Variants in ZNF14 observed in about 807,000 individuals in gnomAD.
ZNF14 encodes zinc finger protein 14, also known as gonadotropin inducible transcription repressor-4.
A neutral mutation model predicts 11.3 loss-of-function variants in ZNF14; 9 were observed. The observed-to-expected ratio is 0.80, with a 90% CI of 0.48 to 1.39. The LOEUF (loss-of-function observed/expected upper bound fraction) is 1.39, where lower values mean the gene tolerates loss of function less well. ZNF14 is among the 40% of genes most tolerant of loss of function. The pLI is 0.00. For synonymous variants in ZNF14, 239 were observed against 245.7 expected (o/e 0.97, Z 0.25); for missense variants, 711 against 763.9 (o/e 0.93, Z 0.82).
At position 19,728,256 on chromosome 19, in the gene ZNF14, G is replaced by A. The variant is rs1209137306; in HGVS notation, c.3+4700C>T. On this transcript the variant is annotated intron_variant, in intron 1 of 3. Transcript: ENST00000344099. ...ACTGGGGCCAGGTGCAGAGGCTCATGCCTGTAATCCCAGCACTTTGAGAGG... is the reference window on the plus strand; with the variant it reads ...ACTGGGGCCAGGTGCAGAGGCTCATACCTGTAATCCCAGCACTTTGAGAGG... 2.3e-5 allele frequency among the ~76,000 whole-genome samples: 3 copies of A among 132,900 alleles called. 1 individual carries two copies. Among genetic ancestry groups the A allele is most frequent in the Admixed American group, 7.4e-5 (1 of 13,528 alleles). 87.2% of individuals were successfully genotyped at this position (132,900 alleles called of 152,430 possible).
At chr19:19,715,952 T>C (rs1484884984) in intron 1 of ZNF14, among the ~76,000 whole-genome samples, 1 of 152,224 alleles carries the variant, frequency 6.6e-6, no homozygotes, top group Non-Finnish European at 1.5e-5. Context: ...TCTTCCTTTT[T>C]CTCTCTCTCA....
At chr19:19,732,851 C>G (rs893138120) in intron 1 of ZNF14, 105 bp downstream of exon 1, 15 of 1,483,702 alleles carry the variant, frequency 1.0e-5, no homozygotes, top group Non-Finnish European at 1.3e-5. Flanking sequence ...CGCGGTGGCC[C>G]CCGGGTCTGC....
intron 1 of ZNF14, among the ~76,000 whole-genome samples, chr19:19,719,272 A>G (rs1397527840): frequency 1.3e-5 from 2 of 152,226 alleles, no homozygotes; most frequent in African/African-American, 2.4e-5. Context: ...AATTCCCTAC[A>G]AAAAAGAAAA....
chr19:19,726,535 G>T (rs1460687537), intron 1 of ZNF14, among the ~76,000 whole-genome samples: 1 of 134,094 alleles, frequency 7.5e-6, no homozygotes, highest in East Asian at 2.1e-4. Context: ...CAGGGGTCAG[G>T]GACCCATTTG....
Position 19,712,055 on chromosome 19 carries a change from T to C in ZNF14, c.1226A>G (p.His409Arg). ...TTTCTCTCCAGTGTGAGTTGTTTCG[T>C]GTTCTCGAAGGGAACTTGAAAAACT... ...TFSFSSSLREHETTHTGEKPY... is the reference protein window; with the variant it reads ...TFSFSSSLRERETTHTGEKPY... Residue 409 changes from histidine to arginine, a missense_variant, in exon 4 of 4, where the codon CAC becomes CGC. Coordinates refer to ENST00000344099, the MANE Select transcript of ZNF14 (RefSeq NM_021030.3). 1 of 1,613,934 alleles carries C rather than the reference T, an allele frequency of 6.2e-7. No individual in the cohort carries two copies. Among genetic ancestry groups the C allele is most frequent in the Non-Finnish European group, 8.5e-7 (1 of 1,179,964 alleles).
rs563989129 is a variant in ZNF14 at position 19,712,310 on chromosome 19, G to T, written c.971C>A (p.Ala324Glu). 11 of 1,613,400 alleles carry T rather than the reference G, an allele frequency of 6.8e-6. No individual in the cohort carries two copies. The East Asian group carries it at 1.3e-4, about 20-fold the overall frequency. ...AGCCCCAGTGTGTATTATTACATGT[G>T]CTCGAAAGCTTGCAGAATAAAAGAA... The part of the protein sequence containing the change: ...KAFFYSASFR[A>E]HVIIHTGARP... The change falls in exon 4 of 4, where the codon GCA becomes GAA. Residue 324 changes from alanine (A) to glutamate (E), a missense_variant. Physicochemically the swap from Ala to Glu is moderately radical, Grantham distance 107. Transcript: ENST00000344099.
intron 1 of ZNF14, among the ~76,000 whole-genome samples, chr19:19,719,609 T>C (rs2062386846): frequency 6.6e-6 from 1 of 152,106 alleles, no homozygotes; most frequent in Admixed American, 6.5e-5. Flanking sequence ...ATTGATGTGC[T>C]AAGTGGGGAG....
At chr19:19,729,818 G>C (rs138454112) in intron 1 of ZNF14, among the ~76,000 whole-genome samples, 198 of 152,138 alleles carry the variant, frequency 1.3e-3, no homozygotes, top group Non-Finnish European at 2.4e-3. Flanking sequence ...ACATATATTA[G>C]AGCTGTATTT....
chr19:19,721,992 C>A (rs893825079), intron 1 of ZNF14, among the ~76,000 whole-genome samples: 2 of 151,202 alleles, frequency 1.3e-5, no homozygotes, highest in African/African-American at 4.9e-5. Context: ...AACAACCTGG[C>A]TACAAATTTG....
intron 1 of ZNF14, among the ~76,000 whole-genome samples, chr19:19,732,541 C>T (rs2145109644): frequency 6.6e-6 from 1 of 152,358 alleles, no homozygotes; most frequent in Admixed American, 6.5e-5. Context: ...ACCCCGGCAG[C>T]AAGGACCTAG....
rs761559664 is a variant in ZNF14 at position 19,712,053 on chromosome 19, C to T, written c.1228G>A (p.Glu410Lys). 44 of 1,612,760 alleles carry T rather than the reference C, an allele frequency of 2.7e-5. No homozygotes were observed. The highest frequency in any genetic ancestry group is 1.6e-4 in the Middle Eastern group (1 of 6,068). The change falls in exon 4 of 4, where the codon GAA becomes AAA. Residue 410 changes from glutamate to lysine, a missense_variant. Coordinates refer to ENST00000344099, the MANE Select transcript of ZNF14 (RefSeq NM_021030.3). Reference sequence around the variant, plus strand: ...GGTTTCTCTCCAGTGTGAGTTGTTTCGTGTTCTCGAAGGGAACTTGAAAAA... The same window carrying T: ...GGTTTCTCTCCAGTGTGAGTTGTTTTGTGTTCTCGAAGGGAACTTGAAAAA... ...FSFSSSLREH[E>K]TTHTGEKPYE...
chr19:19,729,038 G>A (rs921076276), intron 1 of ZNF14, among the ~76,000 whole-genome samples: 18 of 152,132 alleles, frequency 1.2e-4, no homozygotes, highest in Admixed American at 3.9e-4. Context: ...GTACAGTGGC[G>A]TGATCTCAGC....
At chr19:19,719,658 A>G (rs545840542) in intron 1 of ZNF14, among the ~76,000 whole-genome samples, 4 of 152,344 alleles carry the variant, frequency 2.6e-5, no homozygotes, top group African/African-American at 9.6e-5. Flanking sequence ...GAAAGCAGAT[A>G]AGGTAGAAAA....
At chr19:19,732,039 C>T (rs1241674272) in intron 1 of ZNF14, among the ~76,000 whole-genome samples, 1 of 152,154 alleles carries the variant, frequency 6.6e-6, no homozygotes, top group Non-Finnish European at 1.5e-5. Context: ...GCACTCCATC[C>T]CGGGCGACAG....
chr19:19,723,355 T>G (rs2062398315), intron 1 of ZNF14, among the ~76,000 whole-genome samples: 1 of 152,200 alleles, frequency 6.6e-6, no homozygotes, highest in Admixed American at 6.5e-5. Context: ...GGTTTTTGTC[T>G]TTGGTTCTGT....
chr19:19,731,871 T>A (rs1231360085), intron 1 of ZNF14, among the ~76,000 whole-genome samples: 1 of 151,910 alleles, frequency 6.6e-6, no homozygotes, highest in Non-Finnish European at 1.5e-5. Context: ...ATCGAGACCA[T>A]CCTGGCTAAC....
rs544336268 is a variant in ZNF14, at chr19:19,730,443, C to T, written c.3+2513G>A. Among the ~76,000 whole-genome samples the T allele has an allele frequency of 2.6e-5, 4 of 152,276 alleles. No homozygotes were observed. The South Asian group carries it at 8.3e-4, about 32-fold the overall frequency. On this transcript the variant is annotated intron_variant, in intron 1 of 3. Coordinates refer to ENST00000344099, the MANE Select transcript of ZNF14 (RefSeq NM_021030.3). ...GACAATGAAATACAATCAATGATGA[C>T]TCATATAAATGACCTCACAGAATAT...
intron 3 of ZNF14, 40 bp downstream of exon 3, chr19:19,714,051 T>C (rs2062370362): frequency 6.3e-7 from 1 of 1,576,360 alleles, no homozygotes; most frequent in Non-Finnish European, 8.6e-7. Context: ...TCTTTTGAAA[T>C]TCCCCCACGG....
chr19:19,712,824 G>C lies in ZNF14; in HGVS notation c.457C>G (p.His153Asp), dbSNP rs752317208. Residue 153 changes from histidine to aspartate, a missense_variant, in exon 4 of 4, where the codon CAC (histidine) becomes GAC (aspartate). His to Asp is a moderately conservative substitution (Grantham distance 81). Coordinates refer to ENST00000344099, the MANE Select transcript of ZNF14 (RefSeq NM_021030.3). The part of the protein sequence containing the change: ...CKAVGKTFSY[H>D]HCFRKHERTH... ...CTTTCATGTTTGCGAAAGCAGTGGT[G>C]ATAACTGAAGGTTTTCCCAACTGCT... 1 of 1,614,162 alleles carries C rather than the reference G, an allele frequency of 6.2e-7. No homozygotes were observed. Among genetic ancestry groups the C allele is most frequent in the African/African-American group, 1.3e-5 (1 of 75,054 alleles).
Sources: allele counts gnomAD v4.1 joint callset (sites outside exome capture counted in the v4.1 genomes callset), GRCh38; gene constraint gnomAD v4.1.1; transcripts MANE v1.5; gene names NCBI Gene and HGNC (gene_info 2026-07-23, HGNC 2026-07-21).